Variants in CNTNAP4 observed in about 807,000 individuals in gnomAD.
CNTNAP4 encodes the protein contactin-associated protein-like 4.
In CNTNAP4, 98 loss-of-function variants were observed where a neutral mutation model predicts 148.4. The observed-to-expected ratio is 0.66, with a 90% confidence interval of 0.56 to 0.78. The LOEUF (loss-of-function observed/expected upper bound fraction) is 0.78, where lower values mean the gene tolerates loss of function less well. Among genes scored for constraint, CNTNAP4 ranks in the 30% least tolerant of loss-of-function variants. CNTNAP4 has a pLI of 0.00. For synonymous variants in CNTNAP4, 730 were observed against 565.1 expected (o/e 1.29, Z -4.14); for missense variants, 1,935 against 1,565.6 (o/e 1.24, Z -3.98).
At chr16:76,356,922 C>A (rs1395490403) in intron 3 of CNTNAP4, among the ~76,000 whole-genome samples, 2 of 151,984 alleles carry the variant, frequency 1.3e-5, no homozygotes, top group African/African-American at 4.8e-5. Flanking sequence ...AGAGAAGTAG[C>A]CCTGCTCTTT....
In CNTNAP4 at chr16:76,370,467, C is replaced by T. The variant is rs117605719; in HGVS notation, c.390+14956C>T. Among the ~76,000 whole-genome samples, 346 of 152,282 alleles carry T rather than the reference C, an allele frequency of 2.3e-3. 10 individuals are homozygous for T. In the East Asian group the frequency reaches 0.053, roughly 23 times the overall value. On this transcript the variant is annotated intron_variant, in intron 3 of 23. Transcript: ENST00000611870. ...AAAAGGCTCAGCCACTACCAAGTAG[C>T]AGCCTGAGGCAGAGCAAAAGTGGGA...
intron 1 of CNTNAP4, among the ~76,000 whole-genome samples, chr16:76,278,513 C>T (rs1306180870): frequency 6.6e-6 from 1 of 152,096 alleles, no homozygotes; most frequent in Non-Finnish European, 1.5e-5. Context: ...AGATATCATC[C>T]ATAATAATTT....
intron 2 of CNTNAP4, among the ~76,000 whole-genome samples, chr16:76,337,269 G>A (rs891657988): frequency 2.6e-5 from 4 of 152,102 alleles, no homozygotes; most frequent in African/African-American, 9.7e-5. Flanking sequence ...TCTGGTATTC[G>A]GGGAACCAGC....
At chr16:76,397,797 T>TTGTGTG (rs10687638) in intron 3 of CNTNAP4, among the ~76,000 whole-genome samples, 3,702 of 144,110 alleles carry the variant, frequency 0.026, 121 homozygotes, top group African/African-American at 0.076. Context: ...GTGCATGTGT[T>TTGTGTG]TGTGTGTGTG....
At chr16:76,521,338 T>C (rs979543540) in intron 16 of CNTNAP4, 28 bp downstream of exon 16, 2 of 1,557,424 alleles carry the variant, frequency 1.3e-6, no homozygotes, top group Non-Finnish European at 1.7e-6. Context: ...GAGAAGTGTA[T>C]GAGATTCTAT....
At chr16:76,308,014 A>G (rs1960680401) in intron 1 of CNTNAP4, among the ~76,000 whole-genome samples, 1 of 152,248 alleles carries the variant, frequency 6.6e-6, no homozygotes, top group East Asian at 1.9e-4. Flanking sequence ...ATAGAAATTT[A>G]TAGGCTGCTG....
At chr16:76,552,169 C>T (rs536417195) in intron 21 of CNTNAP4, among the ~76,000 whole-genome samples, 2 of 152,070 alleles carry the variant, frequency 1.3e-5, no homozygotes, top group South Asian at 4.1e-4. Context: ...CTTCCAAACA[C>T]TTATAAAACT....
chr16:76,345,643 C>A (rs1425275750), intron 2 of CNTNAP4, among the ~76,000 whole-genome samples: 1 of 152,126 alleles, frequency 6.6e-6, no homozygotes, highest in Non-Finnish European at 1.5e-5. Flanking sequence ...GGCTCCTACC[C>A]TCCCACAGAG....
chr16:76,532,585 T>TACTGTAG (rs2084032032), intron 17 of CNTNAP4, among the ~76,000 whole-genome samples: 1 of 152,216 alleles, frequency 6.6e-6, no homozygotes, highest in Non-Finnish European at 1.5e-5. Context: ...TGTTACTGTA[T>TACTGTAG]ACTGTAGACT....
intron 2 of CNTNAP4, among the ~76,000 whole-genome samples, chr16:76,333,530 C>A (rs369890229): frequency 9.9e-5 from 15 of 152,182 alleles, no homozygotes; most frequent in African/African-American, 3.4e-4. Flanking sequence ...TTTCCTTTAG[C>A]TCTTTGAGCG....
In CNTNAP4 at chr16:76,426,272, AAAAC is replaced by A. The variant is rs534124490; in HGVS notation, c.391-1178_391-1175del. On this transcript the variant is annotated intron_variant, in intron 3 of 23. Transcript: ENST00000611870. ...AGGGAATATTTGTGAATTAGAAAGAAAAACAGGCAGATGATCAGATACCCTGGGT... is the reference window on the plus strand; with the variant it reads ...AGGGAATATTTGTGAATTAGAAAGAAAGGCAGATGATCAGATACCCTGGGT... Among the ~76,000 whole-genome samples the A allele has an allele frequency of 3.0e-3, 459 of 152,266 alleles. 1 individual carries two copies. Among genetic ancestry groups the A allele is most frequent in the African/African-American group, 9.8e-3 (408 of 41,550 alleles).
chr16:76,434,954 C>G (rs1296502845), intron 4 of CNTNAP4, among the ~76,000 whole-genome samples: 2 of 152,126 alleles, frequency 1.3e-5, no homozygotes, highest in African/African-American at 2.4e-5. Flanking sequence ...TTTAGGTCCC[C>G]TAAAATCAGC....
At chr16:76,537,138 A>T (rs12597399) in intron 18 of CNTNAP4, among the ~76,000 whole-genome samples, 35,056 of 152,164 alleles carry the variant, frequency 0.23, 5,032 homozygotes, top group Middle Eastern at 0.34. Flanking sequence ...CATTAAAATA[A>T]CATGTCTTTG....
chr16:76,354,908 C>T (rs1040234544), intron 2 of CNTNAP4, among the ~76,000 whole-genome samples: 1 of 152,152 alleles, frequency 6.6e-6, no homozygotes, highest in African/African-American at 2.4e-5. Context: ...TTAGTTCCAC[C>T]ACAGCTTTAG....
chr16:76,372,847 C>A (rs890840502), intron 3 of CNTNAP4, among the ~76,000 whole-genome samples: 2 of 152,186 alleles, frequency 1.3e-5, no homozygotes, highest in African/African-American at 2.4e-5. Flanking sequence ...GGCTAAAATG[C>A]ATACTATGTA....
chr16:76,451,478 T>C (rs2080205045), intron 7 of CNTNAP4, among the ~76,000 whole-genome samples: 2 of 152,146 alleles, frequency 1.3e-5, no homozygotes, highest in African/African-American at 4.8e-5. Context: ...TAAACAGCAT[T>C]TTATTTCTAA....
At chr16:76,547,108 C>T (rs771604415) in intron 21 of CNTNAP4, among the ~76,000 whole-genome samples, 11 of 151,960 alleles carry the variant, frequency 7.2e-5, no homozygotes, top group Admixed American at 1.3e-4. Flanking sequence ...ATTCCAATGC[C>T]GAAGTGACTG....
At chr16:76,424,194 C>A (rs2079295258) in intron 3 of CNTNAP4, among the ~76,000 whole-genome samples, 1 of 152,030 alleles carries the variant, frequency 6.6e-6, no homozygotes, top group South Asian at 2.1e-4. Context: ...TTCCATTTAC[C>A]TGTTGGCTGT....
chr16:76,396,450 G>A (rs1444167857), intron 3 of CNTNAP4, among the ~76,000 whole-genome samples: 1 of 152,180 alleles, frequency 6.6e-6, no homozygotes, highest in Non-Finnish European at 1.5e-5. Context: ...GCTGTAAGTG[G>A]TGAAGAGAGA....
Sources: allele counts gnomAD v4.1 joint callset (sites outside exome capture counted in the v4.1 genomes callset), GRCh38; gene constraint gnomAD v4.1.1; transcripts MANE v1.5; gene names NCBI Gene and HGNC (gene_info 2026-07-23, HGNC 2026-07-21).